Variants in TMEM232 observed in about 807,000 individuals in gnomAD.
TMEM232 encodes the protein transmembrane protein 232.
In TMEM232, 80 loss-of-function variants were observed where a neutral mutation model predicts 78.8. That is an observed-to-expected ratio of 1.01 (90% CI 0.85 to 1.22). The LOEUF (loss-of-function observed/expected upper bound fraction) is 1.22, where lower values mean the gene tolerates loss of function less well. Among genes scored for constraint, TMEM232 ranks in the 50% most tolerant of loss-of-function variants. The pLI, the probability that TMEM232 is intolerant of heterozygous loss-of-function variation, is 0.00. For synonymous variants in TMEM232, 297 were observed against 254.3 expected (o/e 1.17, Z -1.60); for missense variants, 881 against 742.2 (o/e 1.19, Z -2.17).
At chr5:110,423,412 T>C (rs992523711) in intron 13 of TMEM232, among the ~76,000 whole-genome samples, 3 of 152,128 alleles carry the variant, frequency 2.0e-5, no homozygotes, top group African/African-American at 7.2e-5. Context: ...CAAAACACTA[T>C]TGCTACACCC....
Position 110,424,856 on chromosome 5 carries a change from T to A in TMEM232, c.1764A>T (p.Ala588=). Residue 588 remains alanine, a synonymous_variant, in exon 13 of 14, where the codon GCA becomes GCT. Transcript: ENST00000455884. ...MFPYPDFFTK[A]DKELAKIIDH... ...CAATGATTTTTGCCAACTCTTTATC[T>A]GCCTTGGTGAAGAAATCTGGATATG... The A allele has an allele frequency of 6.5e-7, 1 of 1,550,266 alleles. No individual in the cohort carries two copies. The highest frequency in any genetic ancestry group is 8.7e-7 in the Non-Finnish European group (1 of 1,146,168).
chr5:110,552,068 C>A (rs982602788), intron 11 of TMEM232, among the ~76,000 whole-genome samples: 1 of 151,944 alleles, frequency 6.6e-6, no homozygotes, highest in Non-Finnish European at 1.5e-5. Flanking sequence ...AAGATAATAA[C>A]AAAATATATT....
intron 1 of TMEM232, among the ~76,000 whole-genome samples, chr5:110,719,050 T>G (rs1797308284): frequency 6.6e-6 from 1 of 152,054 alleles, no homozygotes; most frequent in Non-Finnish European, 1.5e-5. Flanking sequence ...CAAACCTGGA[T>G]AGTAGCACCT....
intron 5 of TMEM232, among the ~76,000 whole-genome samples, chr5:110,628,447 G>C (rs993900664): frequency 1.8e-4 from 27 of 151,934 alleles, no homozygotes; most frequent in African/African-American, 6.5e-4. Flanking sequence ...CTCTCACAGG[G>C]TCATTATTAA....
intron 12 of TMEM232, among the ~76,000 whole-genome samples, chr5:110,428,444 C>T (rs1757479511): frequency 6.6e-6 from 1 of 151,696 alleles, no homozygotes; most frequent in Non-Finnish European, 1.5e-5. Context: ...TTCTCAATGA[C>T]CTGGAGCCAT....
intron 12 of TMEM232, among the ~76,000 whole-genome samples, chr5:110,429,198 T>C (rs570924744): frequency 1.3e-4 from 19 of 151,818 alleles, no homozygotes; most frequent in Non-Finnish European, 2.7e-4. Flanking sequence ...TATGTTTCTT[T>C]CGAGTAGAAA....
intron 1 of TMEM232, among the ~76,000 whole-genome samples, chr5:110,681,429 T>C (rs918763181): frequency 6.6e-6 from 1 of 152,200 alleles, no homozygotes; most frequent in Non-Finnish European, 1.5e-5. Context: ...TGTTCAAGTT[T>C]CAGTTTCTCA....
intron 12 of TMEM232, among the ~76,000 whole-genome samples, chr5:110,496,165 T>C (rs1395539793): frequency 6.6e-6 from 1 of 151,960 alleles, no homozygotes; most frequent in Non-Finnish European, 1.5e-5. Context: ...TTTTATTTTG[T>C]AGGTTATTTC....
intron 1 of TMEM232, among the ~76,000 whole-genome samples, chr5:110,686,415 A>G (rs1027777868): frequency 6.6e-6 from 1 of 151,956 alleles, no homozygotes; most frequent in East Asian, 1.9e-4. Flanking sequence ...ACTGCCAGGC[A>G]TGTGAGAGAG....
chr5:110,579,756 A>C (rs2149721905), intron 10 of TMEM232, among the ~76,000 whole-genome samples: 1 of 151,752 alleles, frequency 6.6e-6, no homozygotes, highest in Middle Eastern at 3.4e-3. Flanking sequence ...AAGAAGACAG[A>C]GCAGGAAAAG....
chr5:110,440,587 C>G (rs1045998810), intron 12 of TMEM232, among the ~76,000 whole-genome samples: 1 of 152,060 alleles, frequency 6.6e-6, no homozygotes, highest in Non-Finnish European at 1.5e-5. Context: ...CATTTGTTAT[C>G]TCAACTCTTA....
chr5:110,539,869 G>A (rs1409673293), intron 11 of TMEM232, among the ~76,000 whole-genome samples: 1 of 152,144 alleles, frequency 6.6e-6, no homozygotes, highest in Non-Finnish European at 1.5e-5. Flanking sequence ...CCAGAGCCTG[G>A]CAAATATCCC....
At chr5:110,693,596 G>C (rs989956512) in intron 1 of TMEM232, among the ~76,000 whole-genome samples, 4 of 152,142 alleles carry the variant, frequency 2.6e-5, no homozygotes, top group Non-Finnish European at 5.9e-5. Context: ...AACCAATGCA[G>C]AGAAGTCCTT....
chr5:110,449,363 G>A (rs986189134), intron 12 of TMEM232, among the ~76,000 whole-genome samples: 2 of 151,274 alleles, frequency 1.3e-5, no homozygotes, highest in Non-Finnish European at 3.0e-5. Context: ...ATAACGATTC[G>A]GAAAGAAAAA....
intron 12 of TMEM232, among the ~76,000 whole-genome samples, chr5:110,432,203 A>G (rs1283976350): frequency 6.6e-6 from 1 of 151,648 alleles, no homozygotes; most frequent in African/African-American, 2.4e-5. Flanking sequence ...AAAGTCAATA[A>G]GAAAGAAAAA....
chr5:110,601,025 T>C (rs1358809716), intron 10 of TMEM232, among the ~76,000 whole-genome samples: 3 of 152,144 alleles, frequency 2.0e-5, no homozygotes, highest in African/African-American at 7.2e-5. Context: ...ATAAACATAA[T>C]CCATCATATG....
At position 110,420,626 on chromosome 5, in the gene TMEM232, T is replaced by A; in HGVS notation, c.1928A>T (p.Lys643Met). ...AGGAAGTTCATAGGGCTTGGTTTGC[T>A]TATGTAGTTTCTCTTCTCTTTTCTT... ...VMKKREEKLH[K>M]QTKPYELPYR... is the part of the protein sequence containing the mutation. The change falls in exon 14 of 14, where the codon AAG (lysine) becomes ATG (methionine). Residue 643 changes from lysine (K) to methionine (M), a missense_variant. Transcript: ENST00000455884. 6.6e-7 allele frequency: 1 copy of A among 1,518,850 alleles called. No homozygotes were observed. The highest frequency in any genetic ancestry group is 8.8e-7 in the Non-Finnish European group (1 of 1,142,178). 94.1% of individuals were successfully genotyped at this position (1,518,850 alleles called of 1,614,324 possible).
chr5:110,449,440 A>G (rs1760020486), intron 12 of TMEM232, among the ~76,000 whole-genome samples: 1 of 152,146 alleles, frequency 6.6e-6, no homozygotes, highest in African/African-American at 2.4e-5. Context: ...CTGAAATAAA[A>G]TGGTTGCTTT....
At chr5:110,544,056 C>T (rs962859143) in intron 11 of TMEM232, among the ~76,000 whole-genome samples, 2 of 152,084 alleles carry the variant, frequency 1.3e-5, no homozygotes, top group African/African-American at 4.8e-5. Context: ...TTTAGCCTGG[C>T]AATGAACATT....
Sources: allele counts gnomAD v4.1 joint callset (sites outside exome capture counted in the v4.1 genomes callset), GRCh38; gene constraint gnomAD v4.1.1; transcripts MANE v1.5; gene names NCBI Gene and HGNC (gene_info 2026-07-23, HGNC 2026-07-21).